The following ARHGAP32 variants were observed in gnomAD, a reference collection of about 807,000 sequenced individuals.
ARHGAP32 encodes Rho GTPase activating protein 32.
Under a neutral mutation model 186.5 loss-of-function variants are expected in ARHGAP32, and 51 were observed. The ratio of observed to expected loss-of-function variants is 0.27; its 90% CI spans 0.22 to 0.35. The LOEUF is 0.35. ARHGAP32 is among the 10% of genes least tolerant of loss of function. ARHGAP32 has a pLI of 1.00. For missense variants in ARHGAP32, 2,186 were observed against 2,623.5 expected (o/e 0.83, Z 3.64); for synonymous variants, 950 against 964.3 (o/e 0.99, Z 0.27).
chr11:129,132,468 A>G (rs1400472547), intron 2 of ARHGAP32, among the ~76,000 whole-genome samples: 1 of 151,784 alleles, frequency 6.6e-6, no homozygotes, highest in African/African-American at 2.4e-5. Flanking sequence ...ACAGAGCAAG[A>G]TCAGGGGGAG....
intron 2 of ARHGAP32, among the ~76,000 whole-genome samples, chr11:129,141,743 A>G (rs1290488328): frequency 2.6e-5 from 4 of 151,524 alleles, no homozygotes; most frequent in Non-Finnish European, 5.9e-5. Context: ...AAAAGCCTAT[A>G]CCAAAATAAT....
intron 5 of ARHGAP32, among the ~76,000 whole-genome samples, chr11:129,106,641 A>G (rs966492428): frequency 3.3e-5 from 5 of 152,200 alleles, no homozygotes; most frequent in Non-Finnish European, 7.3e-5. Context: ...ATACCCAGGT[A>G]ATAAATACAC....
chr11:129,027,259 C>T (rs920683966), intron 11 of ARHGAP32, among the ~76,000 whole-genome samples: 1 of 152,158 alleles, frequency 6.6e-6, no homozygotes, highest in Admixed American at 6.5e-5. Flanking sequence ...TCACCTGGCT[C>T]ATTTCAACAG....
Position 129,033,989 on chromosome 11 carries a change from T to C in ARHGAP32, c.1045+6939A>G, listed in dbSNP as rs568217517. The stretch of plus-strand genomic sequence containing the variant: ...CGTAATTAGTGAAGCTTTCACAATA[T>C]ATCTTGACATCTATTACAGTAAGTT... On this transcript the variant is annotated intron_variant, in intron 11 of 22. Coordinates refer to ENST00000682385, the MANE Select transcript of ARHGAP32 (RefSeq NM_001378024.1). Among the ~76,000 whole-genome samples, 26 of 152,380 alleles carry C rather than the reference T, an allele frequency of 1.7e-4. No individual in the cohort carries two copies. The South Asian group carries it at 5.4e-3, about 32-fold the overall frequency.
At chr11:129,098,574 C>T (rs1439727360) in intron 5 of ARHGAP32, among the ~76,000 whole-genome samples, 1 of 152,008 alleles carries the variant, frequency 6.6e-6, no homozygotes, top group African/African-American at 2.4e-5. Flanking sequence ...TGCCTGCCAC[C>T]ATGCCCAGCT....
intron 1 of ARHGAP32, among the ~76,000 whole-genome samples, chr11:129,231,698 G>T (rs1050617277): frequency 6.6e-6 from 1 of 152,090 alleles, no homozygotes; most frequent in African/African-American, 2.4e-5. Flanking sequence ...AGACAACTTT[G>T]AAGGGCCATC....
At chr11:129,131,155 A>G (rs138062060) in intron 2 of ARHGAP32, among the ~76,000 whole-genome samples, 139 of 152,304 alleles carry the variant, frequency 9.1e-4, no homozygotes, top group Non-Finnish European at 1.8e-3. Context: ...TAAGTGTTAC[A>G]ACTGGCTGGT....
At chr11:129,155,466 C>T (rs572363166) in intron 2 of ARHGAP32, among the ~76,000 whole-genome samples, 22 of 152,242 alleles carry the variant, frequency 1.4e-4, no homozygotes, top group Admixed American at 1.0e-3. Context: ...TACATTGACA[C>T]TACCAAACTA....
intron 6 of ARHGAP32, among the ~76,000 whole-genome samples, chr11:129,073,467 T>G (rs1282160829): frequency 6.6e-6 from 1 of 152,152 alleles, no homozygotes; most frequent in South Asian, 2.1e-4. Context: ...GATTCATTAG[T>G]TGACTGGACA....
chr11:129,068,614 T>C (rs1024409148), intron 6 of ARHGAP32, among the ~76,000 whole-genome samples: 6 of 152,096 alleles, frequency 3.9e-5, no homozygotes, highest in African/African-American at 1.4e-4. Flanking sequence ...GTTGAAATGG[T>C]ATCTTCTTTT....
intron 11 of ARHGAP32, among the ~76,000 whole-genome samples, chr11:129,001,036 A>C (rs1946345189): frequency 6.8e-6 from 1 of 146,662 alleles, no homozygotes; most frequent in Non-Finnish European, 1.5e-5. Flanking sequence ...TCTGCTGATG[A>C]ACACTTAGGC....
rs185840865 is a variant in ARHGAP32, at chr11:129,007,461, C to T, written c.1046-8993G>A. 1.2e-3 allele frequency among the ~76,000 whole-genome samples: 175 copies of T among 152,000 alleles called. 3 individuals are homozygous for T. Among genetic ancestry groups the T allele is most frequent in the Non-Finnish European group, 1.4e-3 (95 of 67,968 alleles). On this transcript the variant is annotated intron_variant, in intron 11 of 22. Coordinates refer to ENST00000682385, the MANE Select transcript of ARHGAP32 (RefSeq NM_001378024.1). ...GAGGCCTGCTAAGACTGAGTCCTTCCCTTGAAGGCAGTGGGTTCCCTTCTG... is the reference window on the plus strand; with the variant it reads ...GAGGCCTGCTAAGACTGAGTCCTTCTCTTGAAGGCAGTGGGTTCCCTTCTG...
intron 11 of ARHGAP32, among the ~76,000 whole-genome samples, chr11:129,001,853 T>G (rs1451854794): frequency 1.3e-5 from 2 of 152,212 alleles, no homozygotes; most frequent in African/African-American, 4.8e-5. Context: ...CCAGCACTAT[T>G]TATTGAAGAG....
Position 129,250,050 on chromosome 11 carries a change from CA to C in ARHGAP32, c.-5+29095del, listed in dbSNP as rs35255123. Among the ~76,000 whole-genome samples, 192 of 139,232 alleles carry C rather than the reference CA, an allele frequency of 1.4e-3. 1 individual carries two copies. The highest frequency in any genetic ancestry group is 3.1e-3 in the South Asian group (14 of 4,486). 91.3% of individuals were successfully genotyped at this position (139,232 alleles called of 152,430 possible). ...GCAACATAGGGAGATCTCATTTCTA[CA>C]AAAAAAAAAAAATTAATTAGCTGGG... On this transcript the variant is annotated intron_variant, in intron 1 of 6. Coordinates refer to the ARHGAP32 transcript ENST00000525234.
chr11:129,191,670 GCACACACACACACA>G (rs71057930), intron 1 of ARHGAP32, among the ~76,000 whole-genome samples: 4 of 148,058 alleles, frequency 2.7e-5, no homozygotes, highest in South Asian at 4.3e-4. Context: ...AGGCAGGCAC[GCACACACACACACA>G]CACACACACA....
intron 1 of ARHGAP32, among the ~76,000 whole-genome samples, chr11:129,229,875 T>C (rs1456094417): frequency 3.3e-5 from 5 of 151,888 alleles, no homozygotes; most frequent in Non-Finnish European, 7.4e-5. Flanking sequence ...TGCAGTAGAG[T>C]GGCGCGATCC....
At chr11:129,182,192 C>A (rs1020068412) in intron 1 of ARHGAP32, among the ~76,000 whole-genome samples, 2 of 152,104 alleles carry the variant, frequency 1.3e-5, no homozygotes, top group African/African-American at 4.8e-5. Flanking sequence ...TGAATAAATT[C>A]TTTCCAATCT....
chr11:129,269,968 A>G (rs1426707454), intron 1 of ARHGAP32, among the ~76,000 whole-genome samples: 1 of 152,148 alleles, frequency 6.6e-6, no homozygotes, highest in Non-Finnish European at 1.5e-5. Context: ...GTTTCTTGCA[A>G]AACTAAACTT....
At chr11:128,995,934 TTAAGA>T (rs1946188563) in intron 12 of ARHGAP32, among the ~76,000 whole-genome samples, 1 of 152,214 alleles carries the variant, frequency 6.6e-6, no homozygotes, top group African/African-American at 2.4e-5. Context: ...AATTATAACA[TTAAGA>T]TAAGTCCCTA....
Sources: gnomAD v4.1 joint callset for allele counts (sites outside exome capture counted in the v4.1 genomes callset) on GRCh38, gnomAD v4.1.1 for gene constraint, MANE v1.5 for transcripts, NCBI Gene and HGNC (gene_info 2026-07-23, HGNC 2026-07-21) for gene names.